LTBP2: variants seen among roughly 807,000 people sequenced by gnomAD.
LTBP2 encodes the protein latent transforming growth factor beta binding protein 2, also known as latent-transforming growth factor beta-binding protein 2.
In LTBP2, 103 loss-of-function variants were observed where a neutral mutation model predicts 210.6. The ratio of observed to expected loss-of-function variants is 0.49; its 90% CI spans 0.42 to 0.58. LTBP2 has a LOEUF of 0.58. Ranked by LOEUF, LTBP2 falls within the 20% of genes least tolerant of loss-of-function variation. The probability of loss-of-function intolerance (pLI) is 0.00; values close to 1 mark genes in which losing one functional copy is unlikely to be tolerated. For synonymous variants in LTBP2, 1,007 were observed against 1,015.0 expected (o/e 0.99, Z 0.15); for missense variants, 2,313 against 2,494.5 (o/e 0.93, Z 1.55).
At chr14:74,600,094 G>A (rs565200676) in intron 2 of LTBP2, among the ~76,000 whole-genome samples, 89 of 152,336 alleles carry the variant, frequency 5.8e-4, no homozygotes, top group African/African-American at 2.0e-3. Context: ...CTGACGGGGT[G>A]TGGAGCCAAG....
chr14:74,505,169 T>A lies in LTBP2; in HGVS notation c.4183A>T (p.Ser1395Cys). The A allele has an allele frequency of 6.2e-7, 1 of 1,612,832 alleles. No homozygotes were observed. Among genetic ancestry groups the A allele is most frequent in the Non-Finnish European group, 8.5e-7 (1 of 1,180,008 alleles). Residue 1395 changes from serine (S) to cysteine (C), a missense_variant, in exon 29 of 36, where the codon AGT becomes TGT. Physicochemically the swap from Ser to Cys is moderately radical, Grantham distance 112. Coordinates refer to ENST00000261978, the MANE Select transcript of LTBP2 (RefSeq NM_000428.3). ...HCRPRGAGGQ[S>C]MSEAPTGDHA... ...TCCCCCGTTGGGGCCTCAGACATAC[T>A]CTGACCTGTGCGTGACAGATGCTCA... is the stretch of plus-strand genomic sequence containing the variant.
At chr14:74,501,074 C>G (rs372080884) in intron 35 of LTBP2, 45 bp from the exon 36 acceptor site, 2 of 1,589,634 alleles carry the variant, frequency 1.3e-6, no homozygotes, top group Non-Finnish European at 1.7e-6. Context: ...CCAGGTGCCT[C>G]TGCTGGCTGC....
intron 8 of LTBP2, among the ~76,000 whole-genome samples, chr14:74,536,784 C>T (rs1362430928): frequency 2.0e-5 from 3 of 152,116 alleles, no homozygotes; most frequent in Admixed American, 2.0e-4. Context: ...AGGGGGAGGT[C>T]GCAGTGAGCT....
At chr14:74,564,148 TATTTA>T in intron 3 of LTBP2, among the ~76,000 whole-genome samples, 2 of 45,150 alleles carry the variant, frequency 4.4e-5, no homozygotes, top group African/African-American at 1.9e-4. Flanking sequence ...TATATATATA[TATTTA>T]TATATATATT....
intron 8 of LTBP2, among the ~76,000 whole-genome samples, chr14:74,542,790 T>C (rs12882498): frequency 0.7 from 103,614 of 148,052 alleles, 36,911 homozygotes; most frequent in African/African-American, 0.82. Context: ...TTTTTTGAGA[T>C]GGAGTCTAGC....
rs554821945 is a variant in LTBP2 at position 74,573,559 on chromosome 14, G to A, written c.830+12295C>T. Among the ~76,000 whole-genome samples the A allele has an allele frequency of 2.6e-5, 4 of 152,328 alleles. No homozygotes were observed. In the South Asian group the frequency reaches 8.3e-4, roughly 32 times the overall value. The stretch of plus-strand genomic sequence containing the variant: ...ACCAGAGGCCGCAGCCCTGTCCATG[G>A]CCCTCTCCTATAGCCTGAGCTACCC... On this transcript the variant is annotated intron_variant, in intron 3 of 35. Transcript: ENST00000261978.
At chr14:74,503,075 C>T in intron 33 of LTBP2, 141 bp from the exon 34 acceptor site, 1 of 1,475,540 alleles carries the variant, frequency 6.8e-7, no homozygotes, top group South Asian at 1.2e-5. Flanking sequence ...TCTCCCCTGC[C>T]CTACTTTGTC....
chr14:74,596,550 C>T (rs2088367483), intron 2 of LTBP2, among the ~76,000 whole-genome samples: 1 of 152,194 alleles, frequency 6.6e-6, no homozygotes, highest in Non-Finnish European at 1.5e-5. Flanking sequence ...GGAGATGCCG[C>T]TGCAGGAAGT....
At chr14:74,541,076 G>C (rs544541892) in intron 8 of LTBP2, among the ~76,000 whole-genome samples, 2 of 150,644 alleles carry the variant, frequency 1.3e-5, no homozygotes, top group African/African-American at 4.9e-5. Flanking sequence ...GGTGACACCT[G>C]TCACCGTCCC....
chr14:74,560,303 C>A (rs2087777697), intron 3 of LTBP2, among the ~76,000 whole-genome samples: 1 of 152,286 alleles, frequency 6.6e-6, no homozygotes, highest in East Asian at 1.9e-4. Flanking sequence ...TTCTTCATTT[C>A]TTTATGGATC....
At chr14:74,513,577 C>T (rs753458752) in intron 18 of LTBP2, among the ~76,000 whole-genome samples, 7 of 152,138 alleles carry the variant, frequency 4.6e-5, no homozygotes, top group Admixed American at 6.6e-5. Context: ...CCAAGACAGG[C>T]GGATCATCTG....
At chr14:74,530,525 T>C (rs1320117306) in intron 10 of LTBP2, among the ~76,000 whole-genome samples, 1 of 152,224 alleles carries the variant, frequency 6.6e-6, no homozygotes, top group Non-Finnish European at 1.5e-5. Context: ...CCAATGCTTT[T>C]GGTTTTTCTT....
chr14:74,572,842 C>T lies in LTBP2; in HGVS notation c.830+13012G>A, dbSNP rs1005725365. ...AAGCAGCCGGATGGGGCGAACCTTC[C>T]CTGGGCCATCTGAAAAAGAGCTTTG... On this transcript the variant is annotated intron_variant, in intron 3 of 35. Transcript: ENST00000261978. Among the ~76,000 whole-genome samples, 6 of 152,138 alleles carry T rather than the reference C, an allele frequency of 3.9e-5. No individual in the cohort carries two copies. The East Asian group carries it at 9.6e-4, about 24-fold the overall frequency.
At chr14:74,609,218 T>A (rs1310019283) in intron 1 of LTBP2, among the ~76,000 whole-genome samples, 1 of 152,170 alleles carries the variant, frequency 6.6e-6, no homozygotes, top group Non-Finnish European at 1.5e-5. Context: ...ATGGAGTGGC[T>A]GACTGGAGTG....
intron 35 of LTBP2, 115 bp downstream of exon 35, chr14:74,501,326 C>G: frequency 6.7e-7 from 1 of 1,490,036 alleles, no homozygotes; most frequent in Non-Finnish European, 9.4e-7. Context: ...TCCCTTCCAG[C>G]CTGATGCAGA....
chr14:74,583,996 G>A (rs931988025), intron 3 of LTBP2, among the ~76,000 whole-genome samples: 2 of 152,176 alleles, frequency 1.3e-5, no homozygotes, highest in Non-Finnish European at 2.9e-5. Context: ...TACAGCTGAG[G>A]GTTCAGCGCC....
At chr14:74,610,626 C>T (rs977553865) in intron 1 of LTBP2, among the ~76,000 whole-genome samples, 8 of 152,338 alleles carry the variant, frequency 5.3e-5, no homozygotes, top group East Asian at 1.9e-4. Context: ...GGAGCGTGCC[C>T]GCAGCCATGA....
In LTBP2 at chr14:74,582,351, G is replaced by A. The variant is rs568932244; in HGVS notation, c.830+3503C>T. 2.0e-5 allele frequency among the ~76,000 whole-genome samples: 3 copies of A among 150,540 alleles called. No homozygotes were observed. In the East Asian group the frequency reaches 5.9e-4, roughly 30 times the overall value. On this transcript the variant is annotated intron_variant, in intron 3 of 35. Coordinates refer to ENST00000261978, the MANE Select transcript of LTBP2 (RefSeq NM_000428.3). ...GAGTCTGGGCTCTGATTTCTTCCCAGAACAGGTCTACACCTGTTCTGTGTA... is the reference window on the plus strand; with the variant it reads ...GAGTCTGGGCTCTGATTTCTTCCCAAAACAGGTCTACACCTGTTCTGTGTA...
chr14:74,534,812 C>T (rs2139726145), intron 9 of LTBP2, among the ~76,000 whole-genome samples: 1 of 152,188 alleles, frequency 6.6e-6, no homozygotes, highest in African/African-American at 2.4e-5. Flanking sequence ...ACAGAGACCA[C>T]AGCCACATAC....
Sources: gnomAD v4.1 joint callset for allele counts (sites outside exome capture counted in the v4.1 genomes callset) on GRCh38, gnomAD v4.1.1 for gene constraint, MANE v1.5 for transcripts, NCBI Gene and HGNC (gene_info 2026-07-23, HGNC 2026-07-21) for gene names.